Variants in MCPH1 observed in about 807,000 individuals in gnomAD.
MCPH1 encodes microcephalin.
MCPH1 carries 104 observed loss-of-function variants against 84.5 expected under a neutral mutation model. That is an observed-to-expected ratio of 1.23 (90% CI 1.05 to 1.45). MCPH1 has a LOEUF of 1.45. Ranked by LOEUF, MCPH1 falls within the 40% of genes most tolerant of loss-of-function variation. MCPH1 has a pLI of 0.00. For missense variants in MCPH1, 1,498 were observed against 1,005.7 expected, an observed-to-expected ratio of 1.49 and a Z score of -6.62; for synonymous variants, 514 against 366.8, an observed-to-expected ratio of 1.40 and a Z score of -4.58.
chr8:6,413,067 A>G (rs533027714), intron 2 of MCPH1, among the ~76,000 whole-genome samples: 22 of 152,346 alleles, frequency 1.4e-4, no homozygotes, highest in African/African-American at 5.3e-4. Flanking sequence ...TATGCAGATG[A>G]GTTCTGCTTC....
intron 6 of MCPH1, 104 bp downstream of exon 6, chr8:6,439,200 T>G: frequency 8.5e-7 from 1 of 1,182,042 alleles, no homozygotes; most frequent in Non-Finnish European, 1.2e-6. Flanking sequence ...TTCCTGGTAG[T>G]AACACATTTT....
intron 9 of MCPH1, among the ~76,000 whole-genome samples, chr8:6,457,814 C>G (rs73516799): frequency 0.011 from 1,707 of 152,180 alleles, 36 homozygotes; most frequent in African/African-American, 0.04. Context: ...CTTCCTAATC[C>G]AGTCCTTATT....
At chr8:6,522,635 G>A (rs1022573688) in intron 12 of MCPH1, among the ~76,000 whole-genome samples, 7 of 151,728 alleles carry the variant, frequency 4.6e-5, no homozygotes, top group Non-Finnish European at 7.4e-5. Flanking sequence ...TTAGCCAAGC[G>A]TGGGGGTACA....
chr8:6,627,792 A>G lies in MCPH1; in HGVS notation c.2452+6101A>G, dbSNP rs1171877106. The stretch of plus-strand genomic sequence containing the variant: ...TATAGTTCCAGCTACATGAGAGGCT[A>G]AGGTGGGAGGATCACCTGAGCTCAG... On this transcript the variant is annotated intron_variant, in intron 13 of 13. Coordinates refer to ENST00000344683, the MANE Select transcript of MCPH1 (RefSeq NM_024596.5). Among the ~76,000 whole-genome samples the G allele has an allele frequency of 5.3e-5, 8 of 152,118 alleles. No individual in the cohort carries two copies. The East Asian group carries it at 1.2e-3, about 22-fold the overall frequency.
intron 13 of MCPH1, chr8:6,625,769 G>A (rs1248675006): frequency 1.0e-6 from 1 of 981,476 alleles, no homozygotes; most frequent in Non-Finnish European, 1.2e-6. Flanking sequence ...AGGCAACAGA[G>A]CAAGACCCCA....
rs1046709265 is a variant in MCPH1, at chr8:6,647,188, G to C, written c.*4139G>C. ...CACATTAAAATGCTCAATATTATTA[G>C]TCACTAGGGAAATACAAATTAAAGG... On this transcript the variant is annotated 3_prime_UTR_variant, in exon 14 of 14. Coordinates refer to ENST00000344683, the MANE Select transcript of MCPH1 (RefSeq NM_024596.5). 6.6e-6 allele frequency: 1 copy of C among 152,146 alleles called. No individual in the cohort carries two copies. The highest frequency in any genetic ancestry group is 1.5e-5 in the Non-Finnish European group (1 of 68,020). 9.4% of individuals were successfully genotyped at this position (152,146 alleles called of 1,614,324 possible). A position where few individuals can be genotyped will look rare whatever the true frequency, so the allele number is the denominator to read the frequency against.
At chr8:6,598,006 C>T (rs942351116) in intron 12 of MCPH1, among the ~76,000 whole-genome samples, 2 of 152,332 alleles carry the variant, frequency 1.3e-5, no homozygotes, top group Middle Eastern at 6.8e-3. Flanking sequence ...TAAACAGCCA[C>T]ATTTCCAGAT....
At chr8:6,552,408 CACTT>C (rs1250482969) in intron 12 of MCPH1, among the ~76,000 whole-genome samples, 2 of 152,196 alleles carry the variant, frequency 1.3e-5, no homozygotes, top group African/African-American at 4.8e-5. Context: ...TTTACACACA[CACTT>C]ACGATGGTCC....
At chr8:6,626,892 G>A in intron 13 of MCPH1, 1 of 985,200 alleles carries the variant, frequency 1.0e-6, no homozygotes, top group Non-Finnish European at 1.2e-6. Context: ...TCCACTCTCA[G>A]GCGCCCTTTT....
At chr8:6,609,582 T>TA (rs1302831553) in intron 12 of MCPH1, among the ~76,000 whole-genome samples, 2 of 152,222 alleles carry the variant, frequency 1.3e-5, no homozygotes, top group Non-Finnish European at 2.9e-5. Context: ...CGCCTTCCTT[T>TA]AACTGCTAGT....
intron 9 of MCPH1, among the ~76,000 whole-genome samples, chr8:6,474,973 G>T (rs986972717): frequency 6.6e-6 from 1 of 152,080 alleles, no homozygotes; most frequent in Non-Finnish European, 1.5e-5. Flanking sequence ...AAACATTTAC[G>T]TTTCTATAGG....
intron 13 of MCPH1, chr8:6,625,797 AAAAG>A (rs1832014902): frequency 2.0e-5 from 20 of 985,092 alleles, no homozygotes; most frequent in Non-Finnish European, 2.3e-5. Flanking sequence ...AAAGAAAAAA[AAAAG>A]AATCATTTTT....
intron 12 of MCPH1, among the ~76,000 whole-genome samples, chr8:6,507,114 T>A (rs1813900888): frequency 6.6e-6 from 1 of 152,152 alleles, no homozygotes. Context: ...GCCAGGCTGG[T>A]CTCAAACTCC....
intron 5 of MCPH1, 89 bp from the exon 6 acceptor site, chr8:6,438,864 G>T (rs1803062549): frequency 8.4e-7 from 1 of 1,190,780 alleles, no homozygotes; most frequent in Non-Finnish European, 1.2e-6. Context: ...GGAAAACGGG[G>T]TGTGGGGGGT....
chr8:6,508,722 TGC>T, intron 12 of MCPH1: 1 of 675,608 alleles, frequency 1.5e-6, no homozygotes, highest in Non-Finnish European at 2.5e-6. Flanking sequence ...ACAGTTGGCT[TGC>T]TGACAAGTCT....
chr8:6,503,399 A>T (rs1812592877), intron 12 of MCPH1: 1 of 796,724 alleles, frequency 1.3e-6, no homozygotes, highest in Non-Finnish European at 2.0e-6. Context: ...TGAGTATAGG[A>T]TGTGCACTGG....
At chr8:6,527,939 G>A (rs190766416) in intron 12 of MCPH1, among the ~76,000 whole-genome samples, 121 of 141,890 alleles carry the variant, frequency 8.5e-4, no homozygotes, top group African/African-American at 2.8e-3. Context: ...TCCATTGCCC[G>A]GGGTGGAGTG....
intron 8 of MCPH1, chr8:6,446,378 TAA>T (rs1804373090): frequency 3.8e-5 from 37 of 984,808 alleles, no homozygotes; most frequent in Non-Finnish European, 4.5e-5. Flanking sequence ...ACAAATGTTT[TAA>T]CTGCCTCTTT....
chr8:6,601,714 CACACACACACCCA>C (rs1829382971), intron 12 of MCPH1, among the ~76,000 whole-genome samples: 1 of 139,264 alleles, frequency 7.2e-6, no homozygotes, highest in African/African-American at 3.3e-5. Flanking sequence ...ACACACACCA[CACACACACACCCA>C]ATCACATACC....
Sources: gnomAD v4.1 joint callset for allele counts (sites outside exome capture counted in the v4.1 genomes callset) on GRCh38, gnomAD v4.1.1 for gene constraint, MANE v1.5 for transcripts, NCBI Gene and HGNC (gene_info 2026-07-23, HGNC 2026-07-21) for gene names.